Variants in TBC1D22B observed in about 807,000 individuals in gnomAD.
TBC1D22B encodes TBC1 domain family member 22B, also known as chromosome 6 open reading frame 197.
Under a neutral mutation model 69.1 loss-of-function variants are expected in TBC1D22B, and 32 were observed. That is an observed-to-expected ratio of 0.46 (90% CI 0.35 to 0.62). The LOEUF (loss-of-function observed/expected upper bound fraction) is 0.62, where lower values mean the gene tolerates loss of function less well. Among genes scored for constraint, TBC1D22B ranks in the 20% least tolerant of loss-of-function variants. The pLI, the probability that TBC1D22B is intolerant of heterozygous loss-of-function variation, is 0.00. For missense variants in TBC1D22B, 462 were observed against 630.9 expected, an observed-to-expected ratio of 0.73 and a Z score of 2.87; for synonymous variants, 206 against 229.8, an observed-to-expected ratio of 0.90 and a Z score of 0.94.
At chr6:37,301,830 GC>G (rs1767581593) in intron 8 of TBC1D22B, among the ~76,000 whole-genome samples, 1 of 152,016 alleles carries the variant, frequency 6.6e-6, no homozygotes, top group South Asian at 2.1e-4. Context: ...TTTTGCTATG[GC>G]CCTCCTGGTG....
chr6:37,323,082 A>AAGCAGCAGCAGC (rs200537251), intron 12 of TBC1D22B, among the ~76,000 whole-genome samples: 68 of 152,082 alleles, frequency 4.5e-4, no homozygotes, highest in African/African-American at 1.3e-3. Context: ...CATCTCGGGA[A>AAGCAGCAGCAGC]AGCAGCAGCA....
At chr6:37,295,144 C>G (rs1767321720) in intron 8 of TBC1D22B, among the ~76,000 whole-genome samples, 1 of 152,076 alleles carries the variant, frequency 6.6e-6, no homozygotes, top group Non-Finnish European at 1.5e-5. Context: ...ACTCTGTTGC[C>G]CAGGCTGGAG....
intron 8 of TBC1D22B, among the ~76,000 whole-genome samples, chr6:37,294,858 C>T (rs571872685): frequency 6.6e-6 from 1 of 152,306 alleles, no homozygotes; most frequent in East Asian, 1.9e-4. Context: ...CCTGCCAACA[C>T]AGCGTCTGTT....
intron 2 of TBC1D22B, among the ~76,000 whole-genome samples, chr6:37,272,693 C>T (rs1487163366): frequency 6.6e-6 from 1 of 152,152 alleles, no homozygotes; most frequent in African/African-American, 2.4e-5. Flanking sequence ...TGGCTGTTAG[C>T]TCTTAAGGGG....
At chr6:37,269,036 A>G (rs1441009911) in intron 1 of TBC1D22B, among the ~76,000 whole-genome samples, 7 of 152,166 alleles carry the variant, frequency 4.6e-5, no homozygotes, top group Non-Finnish European at 1.0e-4. Flanking sequence ...ATATATGTAT[A>G]TATTTATCTT....
At position 37,257,783 on chromosome 6, in the gene TBC1D22B, G is replaced by A; in HGVS notation, c.-135G>A. ...GTGGAGGGGTGCCCACATCCAAGATGGCGTCCCCAGGAGCTGGGAGCGGGT... is the reference window on the plus strand; with the variant it reads ...GTGGAGGGGTGCCCACATCCAAGATAGCGTCCCCAGGAGCTGGGAGCGGGT... On this transcript the variant is annotated 5_prime_UTR_variant, in exon 1 of 13. The change abolishes an upstream ATG in the 5' untranslated region. Transcript: ENST00000373491. 2 of 938,592 alleles carry A rather than the reference G, an allele frequency of 2.1e-6. No homozygotes were observed. Among genetic ancestry groups the A allele is most frequent in the Non-Finnish European group, 3.2e-6 (2 of 619,552 alleles). The allele number at this position is 938,592 out of a possible 1,614,324, so 58.1% of individuals were successfully genotyped here.
In TBC1D22B at chr6:37,287,130, G is replaced by GT. The variant is rs1767031229; in HGVS notation, c.867+61dup. ...CTCCCCGCATAGTTCTGTGGCACCT[G>GT]TTTACAGGTTTGCGGCTAATCATAA... On this transcript the variant is annotated intron_variant, in intron 7 of 12. Transcript: ENST00000373491. 2.8e-6 allele frequency: 4 copies of GT among 1,442,208 alleles called. No homozygotes were observed. The South Asian group carries it at 3.9e-5, about 14-fold the overall frequency. 89.3% of individuals were successfully genotyped at this position (1,442,208 alleles called of 1,614,324 possible).
At chr6:37,313,088 G>A (rs1329805969) in intron 9 of TBC1D22B, 64 bp downstream of exon 9, 15 of 1,335,412 alleles carry the variant, frequency 1.1e-5, no homozygotes, top group Non-Finnish European at 1.6e-5. Context: ...CAGGGCTTTG[G>A]TTTCTTTCTT....
chr6:37,265,896 C>T (rs949592961), intron 1 of TBC1D22B, among the ~76,000 whole-genome samples: 5 of 152,214 alleles, frequency 3.3e-5, no homozygotes, highest in Admixed American at 1.3e-4. Flanking sequence ...TTTAGGATCA[C>T]CTCTGTTATG....
At chr6:37,302,886 T>C (rs1260408766) in intron 8 of TBC1D22B, among the ~76,000 whole-genome samples, 1 of 152,214 alleles carries the variant, frequency 6.6e-6, no homozygotes, top group Non-Finnish European at 1.5e-5. Flanking sequence ...AGGTGAGTGA[T>C]CTGGGGCTTA....
rs1768593659 is a variant in TBC1D22B, at chr6:37,331,969, C to T, written c.*797C>T. Reference sequence around the variant, plus strand: ...CTCCAGACCCCTTTTCCATGATGACCCACTCCAAGATATTATGTGTAAATT... The same window carrying T: ...CTCCAGACCCCTTTTCCATGATGACTCACTCCAAGATATTATGTGTAAATT... On this transcript the variant is annotated 3_prime_UTR_variant, in exon 13 of 13. Transcript: ENST00000373491. 2 of 152,564 alleles carry T rather than the reference C, an allele frequency of 1.3e-5. No homozygotes were observed. Among genetic ancestry groups the T allele is most frequent in the South Asian group, 2.1e-4 (1 of 4,826 alleles). 9.5% of individuals were successfully genotyped at this position (152,564 alleles called of 1,614,324 possible).
chr6:37,323,867 C>T (rs1007281595), intron 12 of TBC1D22B, among the ~76,000 whole-genome samples: 12 of 152,164 alleles, frequency 7.9e-5, no homozygotes, highest in Non-Finnish European at 1.0e-4. Flanking sequence ...AGAAAGGGCA[C>T]GGTTCCTAGA....
At chr6:37,324,781 A>G (rs1768346390) in intron 12 of TBC1D22B, among the ~76,000 whole-genome samples, 1 of 152,232 alleles carries the variant, frequency 6.6e-6, no homozygotes, top group Non-Finnish European at 1.5e-5. Context: ...TATATAGTCT[A>G]GTAATTATGA....
intron 8 of TBC1D22B, among the ~76,000 whole-genome samples, chr6:37,299,242 AT>A (rs1213809423): frequency 1.3e-5 from 2 of 151,784 alleles, no homozygotes; most frequent in African/African-American, 4.8e-5. Context: ...TCATTTACCT[AT>A]TTTTTCTAAT....
intron 2 of TBC1D22B, among the ~76,000 whole-genome samples, chr6:37,278,921 T>C (rs1482869854): frequency 2.7e-5 from 4 of 149,218 alleles, no homozygotes; most frequent in Non-Finnish European, 6.0e-5. Flanking sequence ...TGACAGAAAC[T>C]CTGTCTCAAA....
intron 12 of TBC1D22B, among the ~76,000 whole-genome samples, chr6:37,327,501 A>AT: frequency 6.6e-6 from 1 of 150,710 alleles, no homozygotes. Context: ...AAAAAAAAAA[A>AT]AAAAATAAGT....
intron 1 of TBC1D22B, among the ~76,000 whole-genome samples, chr6:37,265,282 G>A (rs557226620): frequency 1.3e-5 from 2 of 152,280 alleles, no homozygotes; most frequent in South Asian, 4.1e-4. Flanking sequence ...ATGGCCTCTG[G>A]CCCTTCAGCC....
chr6:37,326,062 A>G (rs866529955), intron 12 of TBC1D22B, among the ~76,000 whole-genome samples: 3 of 152,082 alleles, frequency 2.0e-5, no homozygotes, highest in Middle Eastern at 6.8e-3. Flanking sequence ...AAGAATTGGA[A>G]ATTATAGGTA....
chr6:37,318,729 A>T (rs1215109477), intron 12 of TBC1D22B, among the ~76,000 whole-genome samples: 1 of 152,124 alleles, frequency 6.6e-6, no homozygotes, highest in Admixed American at 6.5e-5. Flanking sequence ...GTCCCTATGT[A>T]GAAAACTCAA....
Sources: allele counts gnomAD v4.1 joint callset (sites outside exome capture counted in the v4.1 genomes callset), GRCh38; gene constraint gnomAD v4.1.1; transcripts MANE v1.5; gene names NCBI Gene and HGNC (gene_info 2026-07-23, HGNC 2026-07-21).